Variants in DACH1 observed in about 807,000 individuals in gnomAD.
DACH1 encodes dachshund family transcription factor 1.
Under a neutral mutation model 54.2 loss-of-function variants are expected in DACH1, and 12 were observed. That is an observed-to-expected ratio of 0.22 (90% CI 0.14 to 0.36). DACH1 has a LOEUF of 0.36. Ranked by LOEUF, DACH1 falls within the 10% of genes least tolerant of loss-of-function variation. The pLI is 1.00. For missense variants in DACH1, 805 were observed against 929.8 expected (o/e 0.87, Z 1.75); for synonymous variants, 386 against 366.2 (o/e 1.05, Z -0.62).
chr13:71,440,627 T>C lies in DACH1; in HGVS notation c.*28A>G. On this transcript the variant is annotated 3_prime_UTR_variant, in exon 11 of 11. Coordinates refer to ENST00000613252, the MANE Select transcript of DACH1 (RefSeq NM_080759.6). ...TGTCTGACTGCAAAGTTCTTTTCTA[T>C]AACATGGATTTCTTCAACAGGAAAG... 1 of 1,577,506 alleles carries C rather than the reference T, an allele frequency of 6.3e-7. No homozygotes were observed. Among genetic ancestry groups the C allele is most frequent in the East Asian group, 2.3e-5 (1 of 43,646 alleles).
At chr13:71,529,541 G>A (rs957947196) in intron 6 of DACH1, among the ~76,000 whole-genome samples, 6 of 152,150 alleles carry the variant, frequency 3.9e-5, no homozygotes, top group Non-Finnish European at 8.8e-5. Context: ...CAACTGCAAT[G>A]TGGACCCAGG....
chr13:71,804,157 A>G (rs1338112555), intron 1 of DACH1, among the ~76,000 whole-genome samples: 38 of 152,074 alleles, frequency 2.5e-4, no homozygotes, highest in Admixed American at 2.4e-3. Context: ...TAACTCTACA[A>G]TAAATTTAAA....
chr13:71,766,483 A>G (rs1329223151), intron 1 of DACH1, among the ~76,000 whole-genome samples: 1 of 152,194 alleles, frequency 6.6e-6, no homozygotes, highest in Non-Finnish European at 1.5e-5. Context: ...TACCAAACAT[A>G]ATGTAACCTC....
At chr13:71,814,485 T>C (rs1887835268) in intron 1 of DACH1, among the ~76,000 whole-genome samples, 1 of 152,226 alleles carries the variant, frequency 6.6e-6, no homozygotes, top group Admixed American at 6.5e-5. Context: ...GGGATTCTAT[T>C]AATAACAGTG....
chr13:71,524,062 T>C (rs1458744971), intron 6 of DACH1, among the ~76,000 whole-genome samples: 2 of 152,150 alleles, frequency 1.3e-5, no homozygotes, highest in African/African-American at 2.4e-5. Context: ...ATTGCTTAAA[T>C]TGCTGAATCA....
At chr13:71,854,917 G>C (rs986377007) in intron 1 of DACH1, among the ~76,000 whole-genome samples, 1 of 152,080 alleles carries the variant, frequency 6.6e-6, no homozygotes, top group East Asian at 1.9e-4. Flanking sequence ...TAAGGCCAAG[G>C]CAGAAAAATT....
chr13:71,520,294 G>A (rs1159929049), intron 6 of DACH1, among the ~76,000 whole-genome samples: 1 of 151,564 alleles, frequency 6.6e-6, no homozygotes, highest in African/African-American at 2.4e-5. Flanking sequence ...ACTCTTGCCA[G>A]AGCATCAAAC....
chr13:71,796,007 C>A (rs1053014087), intron 1 of DACH1, among the ~76,000 whole-genome samples: 1 of 152,084 alleles, frequency 6.6e-6, no homozygotes, highest in African/African-American at 2.4e-5. Flanking sequence ...AGGCTGTAGA[C>A]TTCTGTTTTC....
chr13:71,486,034 G>A (rs982639756), intron 7 of DACH1, among the ~76,000 whole-genome samples: 2 of 151,548 alleles, frequency 1.3e-5, no homozygotes, highest in African/African-American at 4.8e-5. Flanking sequence ...TATAATTATA[G>A]TATTTTTCTA....
chr13:71,696,550 CTTT>C (rs201321215), intron 1 of DACH1, among the ~76,000 whole-genome samples: 1 of 144,850 alleles, frequency 6.9e-6, no homozygotes. Flanking sequence ...TTCAAATTCA[CTTT>C]TTTTTTTTTT....
At chr13:71,633,200 T>C (rs1328215178) in intron 2 of DACH1, among the ~76,000 whole-genome samples, 2 of 152,336 alleles carry the variant, frequency 1.3e-5, no homozygotes, top group African/African-American at 2.4e-5. Context: ...ATGCATGATA[T>C]GGCCTTGGAC....
At chr13:71,835,362 A>C (rs1888744614) in intron 1 of DACH1, among the ~76,000 whole-genome samples, 1 of 152,140 alleles carries the variant, frequency 6.6e-6, no homozygotes, top group South Asian at 2.1e-4. Flanking sequence ...AATTAAAATG[A>C]GCTTTCAATC....
At chr13:71,677,718 T>TTTTTG (rs1880657496) in intron 2 of DACH1, among the ~76,000 whole-genome samples, 1 of 152,020 alleles carries the variant, frequency 6.6e-6, no homozygotes, top group African/African-American at 2.4e-5. Context: ...TTTGTTTGGT[T>TTTTTG]TTTTGTTTTG....
intron 10 of DACH1, among the ~76,000 whole-genome samples, chr13:71,472,464 G>A (rs1877167111): frequency 6.6e-6 from 1 of 152,136 alleles, no homozygotes; most frequent in Non-Finnish European, 1.5e-5. Context: ...CAACTTCTAG[G>A]TGACTAACTC....
rs1264546940 is a variant in DACH1, at chr13:71,866,431, G to T, written c.339C>A (p.Asn113Lys). The change falls in exon 1 of 11, where the codon AAC becomes AAA. Residue 113 changes from asparagine to lysine, a missense_variant. By Grantham distance (94) the Asn-to-Lys change is moderately conservative. Coordinates refer to ENST00000613252, the MANE Select transcript of DACH1 (RefSeq NM_080759.6). ...TGCCGCCGCCGCCGCCGCCGCTGCC[G>T]TTGCTCGCGGCCGCCAGGTTGGGGT... ...NCNPNLAAAS[N>K]GSGGGGGGIS... 3 of 1,408,744 alleles carry T rather than the reference G, an allele frequency of 2.1e-6. No homozygotes were observed. The highest frequency in any genetic ancestry group is 3.0e-5 in the East Asian group (1 of 33,812). 87.3% of individuals were successfully genotyped at this position (1,408,744 alleles called of 1,614,324 possible). A position where few individuals can be genotyped will look rare whatever the true frequency, so the allele number is the denominator to read the frequency against.
chr13:71,510,474 C>G (rs1022490266), intron 6 of DACH1, among the ~76,000 whole-genome samples: 5 of 151,932 alleles, frequency 3.3e-5, no homozygotes, highest in African/African-American at 1.2e-4. Context: ...AATCTCAGTC[C>G]CATTCTATTC....
intron 3 of DACH1, among the ~76,000 whole-genome samples, chr13:71,621,766 G>A (rs369074015): frequency 5.3e-5 from 8 of 152,002 alleles, no homozygotes; most frequent in East Asian, 3.9e-4. Flanking sequence ...CTGCTGCAGC[G>A]ATATTAACTA....
At chr13:71,739,005 C>A (rs971620876) in intron 1 of DACH1, among the ~76,000 whole-genome samples, 4 of 151,990 alleles carry the variant, frequency 2.6e-5, no homozygotes, top group African/African-American at 9.7e-5. Flanking sequence ...GTAATCCCAG[C>A]ACTTTGGAAG....
chr13:71,842,177 C>T (rs1872911309), intron 1 of DACH1, among the ~76,000 whole-genome samples: 1 of 152,176 alleles, frequency 6.6e-6, no homozygotes, highest in South Asian at 2.1e-4. Context: ...GATAAGACTG[C>T]TATGAGGATT....
Sources: allele counts gnomAD v4.1 joint callset (sites outside exome capture counted in the v4.1 genomes callset), GRCh38; gene constraint gnomAD v4.1.1; transcripts MANE v1.5; gene names NCBI Gene and HGNC (gene_info 2026-07-23, HGNC 2026-07-21).